Variants in DNAAF10 observed in about 807,000 individuals in gnomAD.
DNAAF10 encodes the protein dynein axonemal assembly factor 10, also known as WD repeat domain 92.
DNAAF10 carries 28 observed loss-of-function variants against 43.7 expected under a neutral mutation model. The observed-to-expected ratio is 0.64, with a 90% confidence interval of 0.48 to 0.88. The LOEUF is 0.88. Among genes scored for constraint, DNAAF10 ranks in the 40% least tolerant of loss-of-function variants. DNAAF10 has a pLI of 0.00. For synonymous variants in DNAAF10, 156 were observed against 157.3 expected, an observed-to-expected ratio of 0.99 and a Z score of 0.06; for missense variants, 403 against 439.1, an observed-to-expected ratio of 0.92 and a Z score of 0.73.
chr2:68,153,370 A>G (rs1673502579), intron 1 of DNAAF10, among the ~76,000 whole-genome samples: 1 of 151,304 alleles, frequency 6.6e-6, no homozygotes, highest in African/African-American at 2.4e-5. Context: ...AAAAAAAAGA[A>G]CGATGCATGA....
At chr2:68,141,359 A>G (rs1161808145) in intron 4 of DNAAF10, among the ~76,000 whole-genome samples, 1 of 152,264 alleles carries the variant, frequency 6.6e-6, no homozygotes, top group Admixed American at 6.5e-5. Flanking sequence ...ACATAATAAT[A>G]AGCACAATTC....
At chr2:68,145,820 T>C (rs912489727) in intron 2 of DNAAF10, among the ~76,000 whole-genome samples, 1 of 152,228 alleles carries the variant, frequency 6.6e-6, no homozygotes, top group African/African-American at 2.4e-5. Context: ...TCTCCCCTTC[T>C]TTTGCTTTTC....
intron 5 of DNAAF10, among the ~76,000 whole-genome samples, chr2:68,138,354 C>T (rs1440723675): frequency 6.6e-6 from 1 of 152,180 alleles, no homozygotes; most frequent in Non-Finnish European, 1.5e-5. Context: ...AAACCACATT[C>T]TTTGCTAAAG....
intron 1 of DNAAF10, among the ~76,000 whole-genome samples, chr2:68,154,377 GCTGGGA>G (rs1457231559): frequency 6.6e-6 from 1 of 152,140 alleles, no homozygotes; most frequent in Non-Finnish European, 1.5e-5. Context: ...CTCCTGAGTA[GCTGGGA>G]CTACAGGCGC....
chr2:68,137,137 G>T (rs1454731196), intron 6 of DNAAF10, among the ~76,000 whole-genome samples, 162 bp downstream of exon 6: 7 of 152,094 alleles, frequency 4.6e-5, no homozygotes, highest in Non-Finnish European at 5.9e-5. Flanking sequence ...CTTTGGGGAA[G>T]TACTCTTTGC....
intron 1 of DNAAF10, among the ~76,000 whole-genome samples, chr2:68,153,064 G>A (rs1404780966): frequency 6.6e-6 from 1 of 152,000 alleles, no homozygotes; most frequent in Non-Finnish European, 1.5e-5. Context: ...TTGTGCCAAT[G>A]AGAAAAAAGT....
At chr2:68,153,345 T>TAAAAAAAAAAAA (rs775794947) in intron 1 of DNAAF10, among the ~76,000 whole-genome samples, 5 of 98,748 alleles carry the variant, frequency 5.1e-5, no homozygotes, top group Non-Finnish European at 8.8e-5. Flanking sequence ...AGTGATAAAT[T>TAAAAAAAAAAAA]AAAAAAAAAA....
chr2:68,150,925 G>A (rs953530354), intron 1 of DNAAF10, among the ~76,000 whole-genome samples: 3 of 151,978 alleles, frequency 2.0e-5, no homozygotes, highest in Non-Finnish European at 2.9e-5. Context: ...AATATTTTAT[G>A]GTGTTCCAAA....
In DNAAF10 at chr2:68,134,776, C is replaced by T; in HGVS notation, c.792G>A (p.Gln264=). The change falls in exon 7 of 8, where the codon CAG becomes CAA. Residue 264 remains glutamine, a synonymous_variant. Coordinates refer to ENST00000295121, the MANE Select transcript of DNAAF10 (RefSeq NM_138458.4). ...SEKAHKSTVW[Q]VRHLPQNREL... is the part of the protein sequence containing the mutation. ...CCCTGTTCTGCGGCAGGTGTCGGACCTGCCACACAGTAGATTTATGAGCCT... is the reference window on the plus strand; with the variant it reads ...CCCTGTTCTGCGGCAGGTGTCGGACTTGCCACACAGTAGATTTATGAGCCT... 1 of 1,613,084 alleles carries T rather than the reference C, an allele frequency of 6.2e-7. No homozygotes were observed. The highest frequency in any genetic ancestry group is 8.5e-7 in the Non-Finnish European group (1 of 1,179,792).
chr2:68,151,450 C>G (rs1011095744), intron 1 of DNAAF10, among the ~76,000 whole-genome samples: 11 of 152,168 alleles, frequency 7.2e-5, no homozygotes, highest in African/African-American at 2.7e-4. Context: ...TGAAAAACCC[C>G]TAAATTACTG....
rs1673295522 is a variant in DNAAF10 at position 68,145,458 on chromosome 2, T to C, written c.285-743A>G. Among the ~76,000 whole-genome samples the C allele has an allele frequency of 1.3e-5, 2 of 152,158 alleles. 1 individual carries two copies. Among genetic ancestry groups the C allele is most frequent in the South Asian group, 4.1e-4 (2 of 4,832 alleles). ...TAGTATATTTCTATCTAAATATATA[T>C]ATATGTAAATTCAAAGTGATATAGA... On this transcript the variant is annotated intron_variant, in intron 2 of 7. Transcript: ENST00000295121.
chr2:68,152,447 C>G (rs878875519), intron 1 of DNAAF10, among the ~76,000 whole-genome samples: 2 of 152,114 alleles, frequency 1.3e-5, no homozygotes, highest in Admixed American at 1.3e-4. Context: ...TTCCTCTTTC[C>G]TCAGACATTC....
chr2:68,157,527 C>T lies in DNAAF10; in HGVS notation c.-84G>A, dbSNP rs894262453. Reference sequence around the variant, plus strand: ...CTGGAAACCAGACTCCAAACATTGGCAATTTGTCCCTCCCGCTTTCCGTAT... The same window carrying T: ...CTGGAAACCAGACTCCAAACATTGGTAATTTGTCCCTCCCGCTTTCCGTAT... On this transcript the variant is annotated 5_prime_UTR_variant, in exon 1 of 8. Coordinates refer to ENST00000295121, the MANE Select transcript of DNAAF10 (RefSeq NM_138458.4). 1 of 1,568,458 alleles carries T rather than the reference C, an allele frequency of 6.4e-7. No individual in the cohort carries two copies. The highest frequency in any genetic ancestry group is 8.8e-7 in the Non-Finnish European group (1 of 1,138,658).
intron 1 of DNAAF10, among the ~76,000 whole-genome samples, chr2:68,155,274 C>T (rs1673566504): frequency 1.3e-5 from 2 of 151,870 alleles, no homozygotes; most frequent in Admixed American, 1.3e-4. Flanking sequence ...GGTGGATCAC[C>T]TAAGGTCAGG....
chr2:68,148,407 G>A (rs1673375717), intron 1 of DNAAF10, among the ~76,000 whole-genome samples: 1 of 152,178 alleles, frequency 6.6e-6, no homozygotes, highest in African/African-American at 2.4e-5. Context: ...CCCTCAAAAA[G>A]CTAACAACTC....
intron 2 of DNAAF10, among the ~76,000 whole-genome samples, chr2:68,146,224 T>C (rs1232838435): frequency 6.6e-6 from 1 of 152,160 alleles, no homozygotes; most frequent in African/African-American, 2.4e-5. Context: ...ATCGCATCAC[T>C]ACACTCCAGC....
Position 68,134,718 on chromosome 2 carries a change from G to A in DNAAF10, c.850C>T (p.Leu284Phe). 6.8e-6 allele frequency: 11 copies of A among 1,609,418 alleles called. No homozygotes were observed. Among genetic ancestry groups the A allele is most frequent in the Non-Finnish European group, 9.3e-6 (11 of 1,178,888 alleles). ...CAGACTTACTACTTCCAGAGGTGAA[G>A]GCCGCCGGCGCCTCCAGCTGTCAGA... Reference protein sequence around the residue: ...LFLTAGGAGGLHLWKYEYPIQ... With the variant: ...LFLTAGGAGGFHLWKYEYPIQ... The change falls in exon 7 of 8, where the codon CTT (leucine) becomes TTT (phenylalanine). Residue 284 changes from leucine to phenylalanine, a missense_variant. By Grantham distance (22) the Leu-to-Phe change is conservative (BLOSUM62 0). Transcript: ENST00000295121.
chr2:68,156,165 G>A (rs1673602696), intron 1 of DNAAF10, among the ~76,000 whole-genome samples: 2 of 148,930 alleles, frequency 1.3e-5, no homozygotes, highest in Non-Finnish European at 3.0e-5. Flanking sequence ...ACAATACAAG[G>A]AACGAAGGAA....
chr2:68,138,314 A>T (rs1054115615), intron 5 of DNAAF10, among the ~76,000 whole-genome samples: 3 of 152,226 alleles, frequency 2.0e-5, no homozygotes, highest in African/African-American at 7.2e-5. Context: ...TTTAACAGTT[A>T]AGTAAAGGCT....
Sources: allele counts gnomAD v4.1 joint callset (sites outside exome capture counted in the v4.1 genomes callset), GRCh38; gene constraint gnomAD v4.1.1; transcripts MANE v1.5; gene names NCBI Gene and HGNC (gene_info 2026-07-23, HGNC 2026-07-21).